The following R3HDML variants were observed in gnomAD, a reference collection of about 807,000 sequenced individuals.
R3HDML encodes peptidase inhibitor R3HDML.
A neutral mutation model predicts 24.2 loss-of-function variants in R3HDML; 21 were observed. That is an observed-to-expected ratio of 0.87 (90% CI 0.62 to 1.25). The LOEUF is 1.25. R3HDML is among the 50% of genes most tolerant of loss of function. The pLI, the probability that R3HDML is intolerant of heterozygous loss-of-function variation, is 0.00. For synonymous variants in R3HDML, 133 were observed against 131.5 expected (o/e 1.01, Z -0.08); for missense variants, 301 against 340.3 (o/e 0.88, Z 0.91).
intron 4 of R3HDML, among the ~76,000 whole-genome samples, chr20:44,345,609 G>T (rs950203877): frequency 2.6e-5 from 4 of 151,806 alleles, no homozygotes; most frequent in Non-Finnish European, 5.9e-5. Context: ...TTCAAGATCA[G>T]CCTGGGGAAC....
rs539665398 is a variant in R3HDML, at chr20:44,337,318, G to C, written c.161G>C (p.Arg54Pro). ...GGCCTGGAGGTGCCCAGGTACCGCC[G>C]GAAGCGCCACATCTCTGTGAGAGAC... Reference protein sequence around the residue: ...LSGLEVPRYRRKRHISVRDMN... With the variant: ...LSGLEVPRYRPKRHISVRDMN... Residue 54 changes from arginine (R) to proline (P), a missense_variant, in exon 1 of 5, where the codon CGG (arginine) becomes CCG (proline). Arg to Pro is a moderately radical substitution (Grantham distance 103, BLOSUM62 -2). Coordinates refer to ENST00000217043, the MANE Select transcript of R3HDML (RefSeq NM_178491.4). This position sits in a 1 kb window ranked among gnomAD's most constrained non-coding sequence, Gnocchi z 4.7. 1.2e-6 allele frequency: 2 copies of C among 1,614,166 alleles called. No homozygotes were observed. Among genetic ancestry groups the C allele is most frequent in the Admixed American group, 3.3e-5 (2 of 60,024 alleles).
intron 4 of R3HDML, among the ~76,000 whole-genome samples, chr20:44,348,468 CTCCTTTT>C (rs1331981507): frequency 0.012 from 1,568 of 128,564 alleles, 25 homozygotes; most frequent in African/African-American, 0.041. Flanking sequence ...TTTCCCCTTT[CTCCTTTT>C]CCCTTTCTCC....
chr20:44,344,598 A>T (rs2062781063), intron 3 of R3HDML, among the ~76,000 whole-genome samples: 1 of 152,058 alleles, frequency 6.6e-6, no homozygotes, highest in Non-Finnish European at 1.5e-5. Context: ...CCTGGCCAAC[A>T]TGATGAAACC....
At chr20:44,343,703 G>GT (rs2062778417) in intron 3 of R3HDML, among the ~76,000 whole-genome samples, 194 bp downstream of exon 3, 1 of 152,096 alleles carries the variant, frequency 6.6e-6, no homozygotes, top group African/African-American at 2.4e-5. Flanking sequence ...TTTTTTGTTT[G>GT]TTTGTTTTTT....
chr20:44,347,954 A>ATTTTTTTTTTTTTTTTTT (rs35413702), intron 4 of R3HDML: 1 of 105,428 alleles, frequency 9.5e-6, no homozygotes, highest in African/African-American at 3.8e-5. Flanking sequence ...ATAGCGTCTA[A>ATTTTTTTTTTTTTTTTTT]TTTTTTTTTT....
intron 4 of R3HDML, 121 bp from the exon 5 acceptor site, chr20:44,350,539 T>A: frequency 2.5e-6 from 2 of 806,632 alleles, no homozygotes; most frequent in Non-Finnish European, 3.7e-6. Context: ...AACCAAGGCT[T>A]GCAGATGTGA....
At chr20:44,347,954 A>ATTTTTTTTTTTTTTTTTTTTTTTTTTT (rs35413702) in intron 4 of R3HDML, 3 of 105,428 alleles carry the variant, frequency 2.8e-5, no homozygotes, top group Non-Finnish European at 1.9e-5. Flanking sequence ...ATAGCGTCTA[A>ATTTTTTTTTTTTTTTTTTTTTTTTTTT]TTTTTTTTTT....
intron 2 of R3HDML, among the ~76,000 whole-genome samples, chr20:44,342,759 C>T (rs55863923): frequency 0.018 from 2,678 of 152,222 alleles, 73 homozygotes; most frequent in African/African-American, 0.061. Flanking sequence ...CGAGACCAGC[C>T]TGGCCAACAT....
At position 44,343,520 on chromosome 20, in the gene R3HDML, G is replaced by T. The variant is rs369267793; in HGVS notation, c.513+11G>T. On this transcript the variant is annotated intron_variant, in intron 3 of 4. Transcript: ENST00000217043. ...TCCCATTATACCCAGGTACTCCTCC[G>T]TCAGGGCTGAGGGCCCCTGGGATAA... 1 of 1,592,586 alleles carries T rather than the reference G, an allele frequency of 6.3e-7. No homozygotes were observed. Among genetic ancestry groups the T allele is most frequent in the African/African-American group, 1.4e-5 (1 of 73,988 alleles).
At chr20:44,346,633 C>T (rs1025493202) in intron 4 of R3HDML, among the ~76,000 whole-genome samples, 3 of 152,230 alleles carry the variant, frequency 2.0e-5, no homozygotes, top group Non-Finnish European at 2.9e-5. Context: ...CTTAGAAGTA[C>T]AGTGCCAGCC....
chr20:44,350,415 C>A (rs539774630), intron 4 of R3HDML, among the ~76,000 whole-genome samples: 1 of 151,928 alleles, frequency 6.6e-6, no homozygotes, highest in African/African-American at 2.4e-5. Context: ...ACTCAGAAGA[C>A]TGAGCTGAGT....
chr20:44,337,854 T>G lies in R3HDML; in HGVS notation c.261+436T>G, dbSNP rs1424109922. Among the ~76,000 whole-genome samples, 1 of 152,190 alleles carries G rather than the reference T, an allele frequency of 6.6e-6. No homozygotes were observed. The highest frequency in any genetic ancestry group is 2.4e-5 in the African/African-American group (1 of 41,454). On this transcript the variant is annotated intron_variant, in intron 1 of 4. Coordinates refer to ENST00000217043, the MANE Select transcript of R3HDML (RefSeq NM_178491.4). The surrounding 1 kb of genome is among the most constrained non-coding windows in gnomAD (Gnocchi z 4.7). Reference sequence around the variant, plus strand: ...ATTTTGGCTCCCCACACTGGGGACCTGCATGGGGTGCGTGGCTGGTGCTTT... The same window carrying G: ...ATTTTGGCTCCCCACACTGGGGACCGGCATGGGGTGCGTGGCTGGTGCTTT...
In R3HDML at chr20:44,343,468, C is replaced by T; in HGVS notation, c.472C>T (p.Pro158Ser). 6.2e-7 allele frequency: 1 copy of T among 1,612,780 alleles called. No individual in the cohort carries two copies. Residue 158 changes from proline (P) to serine (S), a missense_variant, in exon 3 of 5, where the codon CCC becomes TCC. By Grantham distance (74) the Pro-to-Ser change is moderately conservative. Transcript: ENST00000217043. ...PAPRDCNPHC[P>S]WRCDGPTCSH... is the part of the protein sequence containing the mutation. Reference sequence around the variant, plus strand: ...CCCAAGGGACTGTAACCCACACTGCCCCTGGCGCTGCGATGGCCCCACCTG... The same window carrying T: ...CCCAAGGGACTGTAACCCACACTGCTCCTGGCGCTGCGATGGCCCCACCTG...
rs1200491783 is a variant in R3HDML, at chr20:44,337,310, G to C, written c.153G>C (p.Arg51Ser). ...TCCTGAGTGGCCTGGAGGTGCCCAGGTACCGCCGGAAGCGCCACATCTCTG... is the reference window on the plus strand; with the variant it reads ...TCCTGAGTGGCCTGGAGGTGCCCAGCTACCGCCGGAAGCGCCACATCTCTG... Reference protein sequence around the residue: ...MRLLSGLEVPRYRRKRHISVR... With the variant: ...MRLLSGLEVPSYRRKRHISVR... Residue 51 changes from arginine (R) to serine (S), a missense_variant, in exon 1 of 5, where the codon AGG becomes AGC. By Grantham distance (110) the Arg-to-Ser change is moderately radical. Transcript: ENST00000217043. The surrounding 1 kb of genome is among the most constrained non-coding windows in gnomAD (Gnocchi z 4.7). 2.5e-6 allele frequency: 4 copies of C among 1,614,094 alleles called. No homozygotes were observed. Among genetic ancestry groups the C allele is most frequent in the Admixed American group, 1.7e-5 (1 of 60,006 alleles).
chr20:44,341,190 C>T lies in R3HDML; in HGVS notation c.262-6C>T, dbSNP rs576026327. 80 of 1,604,784 alleles carry T rather than the reference C, an allele frequency of 5.0e-5. 1 individual carries two copies. In the South Asian group the frequency reaches 8.3e-4, roughly 17 times the overall value. ...CTGGGGAATTTCATTGCCTTTCTTT[C>T]CCCAGGTCTGGGACAAGCGGCTGGC... is the stretch of plus-strand genomic sequence containing the variant. On this transcript the variant is annotated splice_polypyrimidine_tract_variant and splice_region_variant and intron_variant, in intron 1 of 4. Transcript: ENST00000217043.
Position 44,350,937 on chromosome 20 carries a change from C to T in R3HDML, c.*145C>T. 1.2e-6 allele frequency: 1 copy of T among 865,520 alleles called. No homozygotes were observed. Among genetic ancestry groups the T allele is most frequent in the Non-Finnish European group, 1.8e-6 (1 of 566,754 alleles). 53.6% of individuals were successfully genotyped at this position (865,520 alleles called of 1,614,324 possible). A position where few individuals can be genotyped will look rare whatever the true frequency, so the allele number is the denominator to read the frequency against. On this transcript the variant is annotated 3_prime_UTR_variant, in exon 5 of 5. Transcript: ENST00000217043. ...TGAATTTTCCCTCCTAGATCCCCTTCTTAAATGTCCAACATGGGTCAAAAG... is the reference window on the plus strand; with the variant it reads ...TGAATTTTCCCTCCTAGATCCCCTTTTTAAATGTCCAACATGGGTCAAAAG...
At chr20:44,349,439 G>T (rs2062802170) in intron 4 of R3HDML, among the ~76,000 whole-genome samples, 2 of 152,142 alleles carry the variant, frequency 1.3e-5, no homozygotes, top group Non-Finnish European at 2.9e-5. Flanking sequence ...ACTTCTGAGA[G>T]CACCTTTTGA....
intron 4 of R3HDML, chr20:44,347,853 T>G (rs2062792609): frequency 6.6e-6 from 1 of 152,230 alleles, no homozygotes; most frequent in African/African-American, 2.4e-5. Flanking sequence ...TACTTGTTAT[T>G]TGTTAGAAAT....
chr20:44,346,899 T>TG (rs1272177569), intron 4 of R3HDML, among the ~76,000 whole-genome samples: 1 of 152,154 alleles, frequency 6.6e-6, no homozygotes, highest in Non-Finnish European at 1.5e-5. Flanking sequence ...CCCAGCACTT[T>TG]GGGGGGCTGA....
Sources: allele counts gnomAD v4.1 joint callset (sites outside exome capture counted in the v4.1 genomes callset), GRCh38; gene constraint gnomAD v4.1.1; non-coding constraint Gnocchi (gnomAD v3.1); transcripts MANE v1.5; gene names NCBI Gene and HGNC (gene_info 2026-07-23, HGNC 2026-07-21).